The following CTNNBL1 variants were observed in gnomAD, a reference collection of about 807,000 sequenced individuals.
CTNNBL1 encodes the protein beta-catenin-like protein 1.
Under a neutral mutation model 72.7 loss-of-function variants are expected in CTNNBL1, and 31 were observed. The observed-to-expected ratio is 0.43, with a 90% CI of 0.32 to 0.58. The LOEUF is 0.58. Among genes scored for constraint, CTNNBL1 ranks in the 20% least tolerant of loss-of-function variants. The pLI is 0.08. For missense variants in CTNNBL1, 534 were observed against 725.1 expected (o/e 0.74, Z 3.03); for synonymous variants, 240 against 267.3 (o/e 0.90, Z 1.00).
At chr20:37,734,091 A>G (rs2073152536) in intron 2 of CTNNBL1, among the ~76,000 whole-genome samples, 1 of 152,222 alleles carries the variant, frequency 6.6e-6, no homozygotes, top group African/African-American at 2.4e-5. Flanking sequence ...AAGAGTCTTA[A>G]GAGCCAGCTG....
intron 1 of CTNNBL1, among the ~76,000 whole-genome samples, chr20:37,715,334 G>A (rs2072976734): frequency 6.6e-6 from 1 of 152,194 alleles, no homozygotes; most frequent in Non-Finnish European, 1.5e-5. Context: ...TAGAAATGAA[G>A]AATGGTATCA....
chr20:37,741,050 G>C (rs2073211525), intron 3 of CTNNBL1, among the ~76,000 whole-genome samples: 1 of 152,212 alleles, frequency 6.6e-6, no homozygotes, highest in Admixed American at 6.5e-5. Context: ...GGTTGAAGGA[G>C]AATATCCTGC....
chr20:37,719,591 A>G (rs529634447), intron 1 of CTNNBL1, among the ~76,000 whole-genome samples: 2 of 152,324 alleles, frequency 1.3e-5, no homozygotes, highest in African/African-American at 2.4e-5. Flanking sequence ...GTAAAGCTCA[A>G]TGAGGACAGT....
intron 5 of CTNNBL1, 27 bp downstream of exon 5, chr20:37,757,683 G>A: frequency 6.3e-7 from 1 of 1,580,842 alleles, no homozygotes; most frequent in Non-Finnish European, 8.7e-7. Flanking sequence ...CTGGGGTTTT[G>A]CAGGTTTGTA....
At chr20:37,726,607 T>C (rs1205090652) in intron 1 of CTNNBL1, among the ~76,000 whole-genome samples, 1 of 152,186 alleles carries the variant, frequency 6.6e-6, no homozygotes, top group East Asian at 1.9e-4. Context: ...TCATGCCCCA[T>C]TTGGAAGATC....
At chr20:37,777,240 C>A in intron 7 of CTNNBL1, 105 bp from the exon 8 acceptor site, 2 of 878,280 alleles carry the variant, frequency 2.3e-6, no homozygotes, top group Non-Finnish European at 1.9e-6. Context: ...CCTTTTCTAA[C>A]TTCTGCTTCT....
chr20:37,739,720 C>A (rs1029239135), intron 3 of CTNNBL1, among the ~76,000 whole-genome samples: 5 of 152,180 alleles, frequency 3.3e-5, no homozygotes, highest in African/African-American at 1.2e-4. Flanking sequence ...TTTCTGTACT[C>A]AGTGGTTCCT....
intron 7 of CTNNBL1, among the ~76,000 whole-genome samples, chr20:37,773,198 T>C (rs2073541116): frequency 6.6e-6 from 1 of 152,242 alleles, no homozygotes; most frequent in Non-Finnish European, 1.5e-5. Flanking sequence ...TCTTAGCCTC[T>C]ATGACCAGAG....
At chr20:37,760,485 T>A (rs1455853716) in intron 5 of CTNNBL1, among the ~76,000 whole-genome samples, 2 of 152,246 alleles carry the variant, frequency 1.3e-5, no homozygotes, top group African/African-American at 4.8e-5. Flanking sequence ...TTGTACATTC[T>A]GGCACTTGTC....
rs140243689 is a variant in CTNNBL1 at position 37,768,018 on chromosome 20, C to T, written c.724C>T (p.Leu242=). 3.6e-4 allele frequency: 583 copies of T among 1,613,972 alleles called. 1 individual carries two copies. The African/African-American group carries it at 4.1e-3, about 11-fold the overall frequency. The change falls in exon 7 of 16, where the codon CTA becomes TTA. Residue 242 remains leucine, a synonymous_variant. Coordinates refer to ENST00000361383, the MANE Select transcript of CTNNBL1 (RefSeq NM_030877.5). ...TACAGAGGGTGCCCAGCAGGGTCTT[C>T]TACAGTGGCTGTTGAAGAGGCTGAA... ...MCTEGAQQGL[L]QWLLKRLKAK...
intron 15 of CTNNBL1, among the ~76,000 whole-genome samples, chr20:37,861,647 A>G (rs149433443): frequency 6.6e-6 from 1 of 152,348 alleles, no homozygotes; most frequent in African/African-American, 2.4e-5. Context: ...TAGTCTACAC[A>G]GTGAAGTGAA....
At chr20:37,744,512 C>T (rs2073244832) in intron 3 of CTNNBL1, 1 of 152,124 alleles carries the variant, frequency 6.6e-6, no homozygotes, top group African/African-American at 2.4e-5. Context: ...TATTGTGTGG[C>T]CATTAATCTA....
At chr20:37,745,727 A>G (rs1405709731) in intron 3 of CTNNBL1, among the ~76,000 whole-genome samples, 1 of 152,110 alleles carries the variant, frequency 6.6e-6, no homozygotes, top group Non-Finnish European at 1.5e-5. Flanking sequence ...AGATTAGCTC[A>G]TTTCCATCTC....
chr20:37,742,385 G>C (rs1375234434), intron 3 of CTNNBL1, among the ~76,000 whole-genome samples: 1 of 152,192 alleles, frequency 6.6e-6, no homozygotes, highest in Non-Finnish European at 1.5e-5. Context: ...TGGATGTCCA[G>C]AGATGAATAA....
At chr20:37,841,516 A>C (rs2072304222) in intron 12 of CTNNBL1, among the ~76,000 whole-genome samples, 1 of 152,226 alleles carries the variant, frequency 6.6e-6, no homozygotes. Flanking sequence ...GTTTGACCAC[A>C]GTCTTCTCAG....
intron 9 of CTNNBL1, among the ~76,000 whole-genome samples, chr20:37,778,712 G>A (rs1323012776): frequency 6.6e-6 from 1 of 152,166 alleles, no homozygotes; most frequent in East Asian, 1.9e-4. Context: ...CCTCTGGATT[G>A]TGGTTGCTTT....
intron 1 of CTNNBL1, among the ~76,000 whole-genome samples, chr20:37,704,583 C>T (rs556198150): frequency 3.0e-4 from 46 of 151,940 alleles, no homozygotes; most frequent in East Asian, 1.2e-3. Context: ...TGGAGGTGCG[C>T]GCTTATAATC....
intron 5 of CTNNBL1, among the ~76,000 whole-genome samples, chr20:37,764,001 A>C (rs184021286): frequency 6.6e-6 from 1 of 152,324 alleles, no homozygotes; most frequent in Non-Finnish European, 1.5e-5. Context: ...CCTGCCTTTC[A>C]GGAACTTGGC....
intron 10 of CTNNBL1, among the ~76,000 whole-genome samples, chr20:37,802,185 G>T (rs925460938): frequency 2.0e-5 from 3 of 152,202 alleles, no homozygotes; most frequent in African/African-American, 7.2e-5. Flanking sequence ...AAGGAATGAA[G>T]TACTGATATG....
Sources: gnomAD v4.1 joint callset for allele counts (sites outside exome capture counted in the v4.1 genomes callset) on GRCh38, gnomAD v4.1.1 for gene constraint, MANE v1.5 for transcripts, NCBI Gene and HGNC (gene_info 2026-07-23, HGNC 2026-07-21) for gene names.